COBL: variants seen among roughly 807,000 people sequenced by gnomAD.
COBL encodes cordon-bleu WH2 repeat protein, also known as protein cordon-bleu.
In COBL, 51 loss-of-function variants were observed where a neutral mutation model predicts 98.8. That is an observed-to-expected ratio of 0.52 (90% CI 0.41 to 0.65). The LOEUF (loss-of-function observed/expected upper bound fraction) is 0.65, where lower values mean the gene tolerates loss of function less well. Among genes scored for constraint, COBL ranks in the 30% least tolerant of loss-of-function variants. The probability of loss-of-function intolerance (pLI) is 0.00; values close to 1 mark genes in which losing one functional copy is unlikely to be tolerated. For missense variants in COBL, 1,617 were observed against 1,617.5 expected, an observed-to-expected ratio of 1.00 and a Z score of 0.01; for synonymous variants, 634 against 651.7, an observed-to-expected ratio of 0.97 and a Z score of 0.41.
chr7:51,233,586 T>C (rs1794968074), intron 1 of COBL, among the ~76,000 whole-genome samples: 1 of 152,166 alleles, frequency 6.6e-6, no homozygotes, highest in Non-Finnish European at 1.5e-5. Flanking sequence ...ATAAGCCCCG[T>C]CCATTTCTAT....
chr7:51,095,912 T>G (rs774682778), intron 6 of COBL, among the ~76,000 whole-genome samples: 1 of 152,192 alleles, frequency 6.6e-6, no homozygotes, highest in Non-Finnish European at 1.5e-5. Flanking sequence ...TAATTGAAAG[T>G]AGAAATAGAC....
chr7:51,065,388 C>T (rs532262114), intron 7 of COBL: 31 of 703,400 alleles, frequency 4.4e-5, no homozygotes, highest in East Asian at 2.1e-4. Flanking sequence ...TTGCTGTGCC[C>T]GGGGCTGTGG....
At chr7:51,120,095 A>G (rs1166324553) in intron 6 of COBL, among the ~76,000 whole-genome samples, 2 of 152,244 alleles carry the variant, frequency 1.3e-5, no homozygotes, top group Non-Finnish European at 2.9e-5. Context: ...ATATATTGAA[A>G]TAAGTAAATA....
intron 1 of COBL, among the ~76,000 whole-genome samples, chr7:51,301,511 T>C (rs1333438974): frequency 6.6e-6 from 1 of 152,204 alleles, no homozygotes; most frequent in African/African-American, 2.4e-5. Flanking sequence ...GCCTGGGCCG[T>C]GTCCTACCAG....
chr7:51,146,196 G>A (rs1441603831), intron 5 of COBL, among the ~76,000 whole-genome samples: 3 of 152,226 alleles, frequency 2.0e-5, no homozygotes, highest in African/African-American at 2.4e-5. Flanking sequence ...GTATCAGAGA[G>A]GGAATAATCA....
chr7:51,258,990 A>G (rs1167567727), intron 1 of COBL, among the ~76,000 whole-genome samples: 4 of 152,156 alleles, frequency 2.6e-5, no homozygotes. Flanking sequence ...GTTACCCTTA[A>G]TAGTAACCCA....
chr7:51,125,571 A>T (rs1173627240), intron 6 of COBL, among the ~76,000 whole-genome samples: 1 of 152,212 alleles, frequency 6.6e-6, no homozygotes, highest in East Asian at 1.9e-4. Context: ...TCTGTTTTAC[A>T]AACTGTCATG....
At chr7:51,124,799 A>G (rs1798051875) in intron 6 of COBL, among the ~76,000 whole-genome samples, 1 of 149,534 alleles carries the variant, frequency 6.7e-6, no homozygotes, top group Non-Finnish European at 1.5e-5. Flanking sequence ...TTTGTTTCCA[A>G]TTTTTTTTCT....
At chr7:51,272,985 C>CAAA (rs1798915308) in intron 1 of COBL, among the ~76,000 whole-genome samples, 1 of 151,008 alleles carries the variant, frequency 6.6e-6, no homozygotes, top group African/African-American at 2.4e-5. Flanking sequence ...ACAACAACAA[C>CAAA]AAAAACATCC....
chr7:51,057,003 C>G (rs529730381), intron 7 of COBL, among the ~76,000 whole-genome samples: 2 of 152,306 alleles, frequency 1.3e-5, no homozygotes, highest in Admixed American at 6.5e-5. Flanking sequence ...CTGGTGAAAT[C>G]TGCCATCCTG....
At chr7:51,096,559 A>T (rs193101046) in intron 6 of COBL, among the ~76,000 whole-genome samples, 1 of 152,118 alleles carries the variant, frequency 6.6e-6, no homozygotes, top group African/African-American at 2.4e-5. Context: ...TTAAAATATT[A>T]ACAGAATTTC....
rs569997840 is a variant in COBL at position 51,017,956 on chromosome 7, G to A, written c.3769-388C>T. Among the ~76,000 whole-genome samples, 7 of 152,332 alleles carry A rather than the reference G, an allele frequency of 4.6e-5. No homozygotes were observed. In the South Asian group the frequency reaches 1.4e-3, roughly 32 times the overall value. The stretch of plus-strand genomic sequence containing the variant: ...GTGACTAACATTTGATGTGGGACGA[G>A]TTACCCTCTATAACTTCAGTTTCTT... On this transcript the variant is annotated intron_variant, in intron 12 of 12. Transcript: ENST00000265136.
At position 51,308,683 on chromosome 7, in the gene COBL, G is replaced by T. The variant is rs1395890401; in HGVS notation, c.41+7910C>A. Among the ~76,000 whole-genome samples the T allele has an allele frequency of 2.0e-5, 3 of 152,304 alleles. No individual in the cohort carries two copies. In the South Asian group the frequency reaches 6.2e-4, roughly 32 times the overall value. ...CTTGCCTACCTCCTCCAAACCAGCAGGAAGCTCTGACTTTCCCAGGTGCAA... is the reference window on the plus strand; with the variant it reads ...CTTGCCTACCTCCTCCAAACCAGCATGAAGCTCTGACTTTCCCAGGTGCAA... On this transcript the variant is annotated intron_variant, in intron 1 of 12. Coordinates refer to ENST00000265136, the MANE Select transcript of COBL (RefSeq NM_015198.5).
chr7:51,114,296 GTC>G (rs1373839940), intron 6 of COBL, among the ~76,000 whole-genome samples: 1 of 151,194 alleles, frequency 6.6e-6, no homozygotes, highest in Non-Finnish European at 1.5e-5. Context: ...GGAGTCCCCT[GTC>G]TCTCTACCGT....
At chr7:51,132,506 C>T (rs1203111578) in intron 6 of COBL, among the ~76,000 whole-genome samples, 1 of 152,186 alleles carries the variant, frequency 6.6e-6, no homozygotes, top group Admixed American at 6.5e-5. Context: ...GTGTTGACAG[C>T]CCCTACTCAC....
intron 1 of COBL, among the ~76,000 whole-genome samples, chr7:51,291,287 T>C (rs938402554): frequency 8.6e-5 from 13 of 151,998 alleles, no homozygotes; most frequent in African/African-American, 2.2e-4. Flanking sequence ...AGAAAGGAGA[T>C]TGCTGAGGCC....
At chr7:51,058,281 C>G (rs770363294) in intron 7 of COBL, among the ~76,000 whole-genome samples, 17 of 152,104 alleles carry the variant, frequency 1.1e-4, no homozygotes, top group Non-Finnish European at 2.1e-4. Flanking sequence ...GGTACCGTGA[C>G]TCGCATCTGT....
intron 5 of COBL, among the ~76,000 whole-genome samples, chr7:51,153,457 T>G (rs1400148684): frequency 6.6e-6 from 1 of 152,260 alleles, no homozygotes; most frequent in African/African-American, 2.4e-5. Flanking sequence ...TGCATTTGTA[T>G]ATTAATGTTT....
chr7:51,180,462 G>A (rs759273144), intron 5 of COBL, among the ~76,000 whole-genome samples: 1 of 152,130 alleles, frequency 6.6e-6, no homozygotes, highest in Non-Finnish European at 1.5e-5. Flanking sequence ...GCCACAAGAG[G>A]CTTTTAAAAA....
Sources: allele counts gnomAD v4.1 joint callset (sites outside exome capture counted in the v4.1 genomes callset), GRCh38; gene constraint gnomAD v4.1.1; transcripts MANE v1.5; gene names NCBI Gene and HGNC (gene_info 2026-07-23, HGNC 2026-07-21).